TRIM44: variants seen among roughly 807,000 people sequenced by gnomAD.
TRIM44 encodes the protein tripartite motif-containing protein 44.
Under a neutral mutation model 37.4 loss-of-function variants are expected in TRIM44, and 13 were observed. That is an observed-to-expected ratio of 0.35 (90% CI 0.23 to 0.55). The LOEUF (loss-of-function observed/expected upper bound fraction) is 0.55. TRIM44 is among the 20% of genes least tolerant of loss of function. The pLI is 0.89. For missense variants in TRIM44, 426 were observed against 437.2 expected, an observed-to-expected ratio of 0.97 and a Z score of 0.23; for synonymous variants, 175 against 157.2, an observed-to-expected ratio of 1.11 and a Z score of -0.85.
At chr11:35,789,615 T>A (rs1853176561) in intron 4 of TRIM44, among the ~76,000 whole-genome samples, 1 of 152,190 alleles carries the variant, frequency 6.6e-6, no homozygotes, top group South Asian at 2.1e-4. Flanking sequence ...CTGCTCCTCT[T>A]AGCCTAAAAG....
At chr11:35,704,848 A>G (rs1032836302) in intron 2 of TRIM44, among the ~76,000 whole-genome samples, 5 of 152,170 alleles carry the variant, frequency 3.3e-5, no homozygotes, top group Non-Finnish European at 7.3e-5. Context: ...AAGAAACTGC[A>G]TCAACTAATG....
intron 4 of TRIM44, among the ~76,000 whole-genome samples, chr11:35,757,694 C>T (rs1444901921): frequency 1.3e-5 from 2 of 152,124 alleles, no homozygotes; most frequent in African/African-American, 2.4e-5. Context: ...TTCTGGTATG[C>T]TGTGTCTTTG....
intron 2 of TRIM44, among the ~76,000 whole-genome samples, chr11:35,703,577 G>T (rs1379456621): frequency 6.6e-6 from 1 of 152,150 alleles, no homozygotes; most frequent in African/African-American, 2.4e-5. Flanking sequence ...CCAGAGGAAC[G>T]ATCAGACGGC....
intron 4 of TRIM44, among the ~76,000 whole-genome samples, chr11:35,769,149 A>G (rs936886538): frequency 6.6e-6 from 1 of 152,066 alleles, no homozygotes; most frequent in Non-Finnish European, 1.5e-5. Context: ...ATTGATGTAT[A>G]TTACCTGTCA....
At chr11:35,708,675 A>T (rs1851921987) in intron 2 of TRIM44, among the ~76,000 whole-genome samples, 1 of 151,432 alleles carries the variant, frequency 6.6e-6, no homozygotes, top group African/African-American at 2.4e-5. Flanking sequence ...AAAACCAAAC[A>T]CTGCATATTC....
intron 4 of TRIM44, among the ~76,000 whole-genome samples, chr11:35,758,247 TATGTA>T (rs202000114): frequency 0.015 from 2,220 of 152,328 alleles, 29 homozygotes; most frequent in South Asian, 0.053. Flanking sequence ...CCTTTGCCAT[TATGTA>T]ATGGCCTTCT....
chr11:35,734,344 C>A (rs1432510916), intron 3 of TRIM44, among the ~76,000 whole-genome samples: 2 of 152,112 alleles, frequency 1.3e-5, no homozygotes, highest in Non-Finnish European at 2.9e-5. Context: ...GATACAGAGA[C>A]AATTATTACC....
At chr11:35,765,576 G>T (rs1852786824) in intron 4 of TRIM44, among the ~76,000 whole-genome samples, 2 of 152,180 alleles carry the variant, frequency 1.3e-5, no homozygotes. Context: ...GGGAAAGTGT[G>T]CATTGCCTCA....
At chr11:35,750,937 TA>T (rs1396778684) in intron 4 of TRIM44, among the ~76,000 whole-genome samples, 1,993 of 146,720 alleles carry the variant, frequency 0.014, 46 homozygotes, top group African/African-American at 0.046. Flanking sequence ...AAATTGCCAT[TA>T]AAAAAAAAAA....
intron 4 of TRIM44, among the ~76,000 whole-genome samples, chr11:35,749,116 A>G (rs981683307): frequency 9.2e-5 from 14 of 152,222 alleles, no homozygotes; most frequent in African/African-American, 3.1e-4. Flanking sequence ...GAAACATGGC[A>G]TTCATTCAGC....
rs1853562394 is a variant in TRIM44 at position 35,814,681 on chromosome 11, G to A, written c.*8296G>A. Reference sequence around the variant, plus strand: ...TGCATCCCATTTGGTACCCAGGCAAGGATTTTTCCATACCTATCTTTTTGC... The same window carrying A: ...TGCATCCCATTTGGTACCCAGGCAAAGATTTTTCCATACCTATCTTTTTGC... On this transcript the variant is annotated 3_prime_UTR_variant, in exon 5 of 5. Coordinates refer to ENST00000299413, the MANE Select transcript of TRIM44 (RefSeq NM_017583.6). The A allele has an allele frequency of 6.6e-6, 1 of 152,100 alleles. No individual in the cohort carries two copies. Among genetic ancestry groups the A allele is most frequent in the Admixed American group, 6.6e-5 (1 of 15,262 alleles). 9.4% of individuals were successfully genotyped at this position (152,100 alleles called of 1,614,324 possible). A position where few individuals can be genotyped will look rare whatever the true frequency, so the allele number is the denominator to read the frequency against.
intron 1 of TRIM44, among the ~76,000 whole-genome samples, chr11:35,672,471 A>C (rs1055523961): frequency 6.6e-6 from 1 of 152,230 alleles, no homozygotes; most frequent in Non-Finnish European, 1.5e-5. Context: ...TGGTTGGCAG[A>C]ATTCAGTAAA....
Position 35,808,493 on chromosome 11 carries a change from A to G in TRIM44, c.*2108A>G, listed in dbSNP as rs2956335. The G allele has an allele frequency of 0.19, 29,407 of 152,148 alleles. 3,085 individuals carry two copies. The highest frequency in any genetic ancestry group is 0.31 in the Admixed American group (4,774 of 15,272). The allele number at this position is 152,148 out of a possible 1,614,324, so 9.4% of individuals were successfully genotyped here. A position where few individuals can be genotyped will look rare whatever the true frequency, so the allele number is the denominator to read the frequency against. The stretch of plus-strand genomic sequence containing the variant: ...CAAATAGTAGCCTTATATTAGCAAT[A>G]GACAGATCATTGGTTCTCCATATCT... On this transcript the variant is annotated 3_prime_UTR_variant, in exon 5 of 5. Transcript: ENST00000299413.
intron 1 of TRIM44, among the ~76,000 whole-genome samples, chr11:35,673,367 CAG>C (rs1851422120): frequency 6.6e-6 from 1 of 152,146 alleles, no homozygotes. Context: ...TTATTCATGG[CAG>C]AGACAATTGG....
In TRIM44 at chr11:35,716,947, T is replaced by C. The variant is rs1206961812; in HGVS notation, c.748-8977T>C. On this transcript the variant is annotated intron_variant, in intron 2 of 4. Coordinates refer to ENST00000299413, the MANE Select transcript of TRIM44 (RefSeq NM_017583.6). ...TCTTGGCATCATCATGATAATTAAT[T>C]GCAGTATACACATAAAGTGCTTAGA... Among the ~76,000 whole-genome samples the C allele has an allele frequency of 5.3e-5, 8 of 152,310 alleles. No individual in the cohort carries two copies. The East Asian group carries it at 1.5e-3, about 29-fold the overall frequency.
chr11:35,693,678 C>T (rs560829330), intron 2 of TRIM44, among the ~76,000 whole-genome samples: 2 of 152,206 alleles, frequency 1.3e-5, no homozygotes, highest in South Asian at 4.2e-4. Flanking sequence ...CCCTTTTGAC[C>T]AGGTTCTCAC....
intron 3 of TRIM44, among the ~76,000 whole-genome samples, chr11:35,729,079 G>C (rs541752331): frequency 2.0e-5 from 3 of 152,144 alleles, no homozygotes; most frequent in Admixed American, 6.5e-5. Flanking sequence ...GATTTGAGAG[G>C]ATACAAGGCA....
At chr11:35,796,837 C>CAGAT (rs1853298680) in intron 4 of TRIM44, among the ~76,000 whole-genome samples, 2 of 152,328 alleles carry the variant, frequency 1.3e-5, no homozygotes, top group South Asian at 4.1e-4. Flanking sequence ...AGAGATGGAA[C>CAGAT]AGATAGACCC....
intron 1 of TRIM44, among the ~76,000 whole-genome samples, chr11:35,682,768 T>C (rs561462): frequency 0.026 from 4,023 of 152,316 alleles, 133 homozygotes; most frequent in African/African-American, 0.074. Context: ...TGAATTTTTA[T>C]GAAAGAAGGC....
Sources: allele counts gnomAD v4.1 joint callset (sites outside exome capture counted in the v4.1 genomes callset), GRCh38; gene constraint gnomAD v4.1.1; transcripts MANE v1.5; gene names NCBI Gene and HGNC (gene_info 2026-07-23, HGNC 2026-07-21).